Variants in RBPMS observed in about 807,000 individuals in gnomAD.
RBPMS encodes the protein RNA-binding protein with multiple splicing.
RBPMS carries 7 observed loss-of-function variants against 26.8 expected under a neutral mutation model. The observed-to-expected ratio is 0.26, with a 90% confidence interval of 0.15 to 0.49. The LOEUF (loss-of-function observed/expected upper bound fraction) is 0.49, where lower values mean the gene tolerates loss of function less well. RBPMS is among the 20% of genes least tolerant of loss of function. RBPMS has a pLI of 0.98. For missense variants in RBPMS, 186 were observed against 250.0 expected, an observed-to-expected ratio of 0.74 and a Z score of 1.73; for synonymous variants, 96 against 93.3, an observed-to-expected ratio of 1.03 and a Z score of -0.17.
chr8:30,547,867 G>C (rs1169102229), intron 6 of RBPMS, among the ~76,000 whole-genome samples: 2 of 152,228 alleles, frequency 1.3e-5, no homozygotes, highest in Admixed American at 6.5e-5. Flanking sequence ...CAGGAAGGAA[G>C]ACCAGGAGAC....
At chr8:30,490,821 T>G (rs890934456) in intron 4 of RBPMS, among the ~76,000 whole-genome samples, 4 of 152,278 alleles carry the variant, frequency 2.6e-5, no homozygotes, top group East Asian at 3.9e-4. Flanking sequence ...CAAGGATTCA[T>G]TAGAGTAGAG....
chr8:30,459,756 A>G (rs1311404326), intron 1 of RBPMS, among the ~76,000 whole-genome samples: 1 of 152,260 alleles, frequency 6.6e-6, no homozygotes, highest in African/African-American at 2.4e-5. Flanking sequence ...TCCTCCCATT[A>G]TAGTCATTAA....
In RBPMS at chr8:30,487,080, AG is replaced by A. The variant is rs141189962; in HGVS notation, c.246+7704del. ...TTTGTGGAACATGAAGTGCCGAGTG[AG>A]TTTTTTGCTAGATCTTGTTTTGGCT... On this transcript the variant is annotated intron_variant, in intron 4 of 8. Transcript: ENST00000397323. 7.1e-3 allele frequency among the ~76,000 whole-genome samples: 1,089 copies of A among 152,320 alleles called. 9 individuals are homozygous for A. The highest frequency in any genetic ancestry group is 0.025 in the African/African-American group (1,020 of 41,568).
At chr8:30,565,986 A>C (rs1827859939) in intron 7 of RBPMS, 1 of 152,322 alleles carries the variant, frequency 6.6e-6, no homozygotes, top group South Asian at 2.1e-4. Context: ...CTTTTCTTGG[A>C]ATGTCCTTCC....
chr8:30,477,901 C>T, intron 3 of RBPMS, 64 bp downstream of exon 3: 1 of 1,088,590 alleles, frequency 9.2e-7, no homozygotes, highest in African/African-American at 1.6e-5. Flanking sequence ...ATTGCTGGGG[C>T]TTGACATTCT....
chr8:30,496,834 A>T (rs1309411372), intron 4 of RBPMS, among the ~76,000 whole-genome samples: 1 of 152,172 alleles, frequency 6.6e-6, no homozygotes, highest in African/African-American at 2.4e-5. Flanking sequence ...GATTACCCAG[A>T]TGCGGGTTTA....
At chr8:30,420,313 C>T (rs763066274) in intron 1 of RBPMS, among the ~76,000 whole-genome samples, 1 of 151,866 alleles carries the variant, frequency 6.6e-6, no homozygotes, top group East Asian at 1.9e-4. Flanking sequence ...CTCTTTTCTC[C>T]AAATTAAACA....
At chr8:30,452,520 C>T (rs925809195) in intron 1 of RBPMS, among the ~76,000 whole-genome samples, 7 of 152,190 alleles carry the variant, frequency 4.6e-5, no homozygotes, top group African/African-American at 1.4e-4. Flanking sequence ...TGTTATCTCT[C>T]CTACCTCCAC....
intron 1 of RBPMS, among the ~76,000 whole-genome samples, chr8:30,438,098 G>A (rs1812675480): frequency 1.3e-5 from 2 of 152,102 alleles, no homozygotes; most frequent in South Asian, 4.1e-4. Context: ...TAAATAACCT[G>A]GTAGTTTTTG....
intron 1 of RBPMS, among the ~76,000 whole-genome samples, chr8:30,418,853 C>A (rs1398656448): frequency 6.6e-6 from 1 of 151,936 alleles, no homozygotes; most frequent in East Asian, 1.9e-4. Context: ...TGCTCGGCCT[C>A]CCAAATCTGT....
At chr8:30,435,388 C>A (rs1480549037) in intron 1 of RBPMS, among the ~76,000 whole-genome samples, 1 of 152,194 alleles carries the variant, frequency 6.6e-6, no homozygotes. Flanking sequence ...GCTCAACCTA[C>A]ACTACTTGTG....
intron 1 of RBPMS, among the ~76,000 whole-genome samples, chr8:30,430,059 T>C (rs910005775): frequency 6.6e-6 from 1 of 152,142 alleles, no homozygotes; most frequent in Non-Finnish European, 1.5e-5. Flanking sequence ...GGCAGATTGC[T>C]TGAACCCAGG....
chr8:30,564,677 T>C (rs1446276147), intron 7 of RBPMS: 2 of 152,360 alleles, frequency 1.3e-5, no homozygotes, highest in Admixed American at 6.5e-5. Flanking sequence ...CTCCTGAGCA[T>C]GTGCACTGGC....
chr8:30,417,330 T>C (rs1229871042), intron 1 of RBPMS, among the ~76,000 whole-genome samples: 4 of 152,216 alleles, frequency 2.6e-5, no homozygotes, highest in African/African-American at 4.8e-5. Flanking sequence ...AGAGCCTTCA[T>C]GGTGCTGATT....
intron 1 of RBPMS, among the ~76,000 whole-genome samples, chr8:30,458,074 C>T (rs1815441909): frequency 6.6e-6 from 1 of 152,108 alleles, no homozygotes; most frequent in Non-Finnish European, 1.5e-5. Flanking sequence ...TGCACATCCT[C>T]CTGTACATTT....
intron 1 of RBPMS, among the ~76,000 whole-genome samples, chr8:30,414,365 T>A (rs1267101404): frequency 6.6e-6 from 1 of 152,216 alleles, no homozygotes; most frequent in African/African-American, 2.4e-5. Context: ...TTGAGGAACT[T>A]TGGCCTCAGT....
At chr8:30,468,047 T>C (rs577576484) in intron 1 of RBPMS, among the ~76,000 whole-genome samples, 1 of 152,126 alleles carries the variant, frequency 6.6e-6, no homozygotes, top group South Asian at 2.1e-4. Context: ...AAAGTGGGAA[T>C]ATGGGCAGTT....
At chr8:30,438,558 T>G (rs1227066234) in intron 1 of RBPMS, among the ~76,000 whole-genome samples, 1 of 152,208 alleles carries the variant, frequency 6.6e-6, no homozygotes, top group African/African-American at 2.4e-5. Context: ...AGAATTAAAT[T>G]CTTTGTGTGA....
intron 5 of RBPMS, among the ~76,000 whole-genome samples, chr8:30,529,914 T>A (rs1824028108): frequency 6.6e-6 from 1 of 151,948 alleles, no homozygotes; most frequent in Admixed American, 6.6e-5. Flanking sequence ...TCACCACGCC[T>A]GGCCAATTTT....
Sources: gnomAD v4.1 joint callset for allele counts (sites outside exome capture counted in the v4.1 genomes callset) on GRCh38, gnomAD v4.1.1 for gene constraint, MANE v1.5 for transcripts, NCBI Gene and HGNC (gene_info 2026-07-23, HGNC 2026-07-21) for gene names.